Variants in DLGAP1 observed in about 807,000 individuals in gnomAD.
DLGAP1 encodes disks large-associated protein 1.
In DLGAP1, 11 loss-of-function variants were observed where a neutral mutation model predicts 90.8. That is an observed-to-expected ratio of 0.12 (90% CI 0.08 to 0.20). The LOEUF (loss-of-function observed/expected upper bound fraction) is 0.20. DLGAP1 is among the 10% of genes least tolerant of loss of function. DLGAP1 has a pLI of 1.00. For missense variants in DLGAP1, 1,050 were observed against 1,333.8 expected (o/e 0.79, Z 3.31); for synonymous variants, 558 against 540.7 (o/e 1.03, Z -0.44).
chr18:3,769,503 C>T (rs951269372), intron 5 of DLGAP1, among the ~76,000 whole-genome samples: 1 of 152,142 alleles, frequency 6.6e-6, no homozygotes, highest in African/African-American at 2.4e-5. Context: ...CCAGGATATC[C>T]TTCAAGGAAT....
At chr18:3,529,759 T>C (rs1014101785) in intron 10 of DLGAP1, among the ~76,000 whole-genome samples, 1 of 152,212 alleles carries the variant, frequency 6.6e-6, no homozygotes, top group Non-Finnish European at 1.5e-5. Flanking sequence ...CAGTTCAGCT[T>C]GAACAACAAA....
intron 7 of DLGAP1, chr18:3,607,658 T>A (rs554750236): frequency 6.6e-6 from 1 of 152,344 alleles, no homozygotes; most frequent in South Asian, 2.1e-4. Flanking sequence ...CAATTTCTTA[T>A]CTGGCTGCTT....
At chr18:4,222,634 A>G (rs1328790462) in intron 1 of DLGAP1, among the ~76,000 whole-genome samples, 2 of 152,172 alleles carry the variant, frequency 1.3e-5, no homozygotes, top group Non-Finnish European at 2.9e-5. Context: ...ATCTTCCAAG[A>G]ACAAGGCAGA....
chr18:3,856,572 G>T (rs1016394039), intron 4 of DLGAP1, among the ~76,000 whole-genome samples: 3 of 152,030 alleles, frequency 2.0e-5, no homozygotes, highest in Admixed American at 2.0e-4. Context: ...ATAATATAAA[G>T]AAATACAGGC....
chr18:4,141,083 T>A (rs2076487518), intron 2 of DLGAP1, among the ~76,000 whole-genome samples: 1 of 152,044 alleles, frequency 6.6e-6, no homozygotes. Flanking sequence ...TTTCTCTATG[T>A]TTGGGAAGTT....
chr18:4,219,493 T>C (rs2078032347), intron 1 of DLGAP1, among the ~76,000 whole-genome samples: 1 of 152,158 alleles, frequency 6.6e-6, no homozygotes, highest in Non-Finnish European at 1.5e-5. Context: ...TAATCCTATT[T>C]GTTTATTTTT....
intron 1 of DLGAP1, among the ~76,000 whole-genome samples, chr18:4,162,312 G>A (rs1238214464): frequency 6.6e-6 from 1 of 152,122 alleles, no homozygotes; most frequent in African/African-American, 2.4e-5. Context: ...AAATAGGAAT[G>A]GTGTGGGTTA....
chr18:4,122,051 G>A (rs1478236890), intron 2 of DLGAP1, among the ~76,000 whole-genome samples: 2 of 152,166 alleles, frequency 1.3e-5, no homozygotes, highest in African/African-American at 4.8e-5. Flanking sequence ...CTATGCTTTA[G>A]TATTAGAGGG....
chr18:3,528,458 G>A (rs551326931), intron 10 of DLGAP1, among the ~76,000 whole-genome samples: 18 of 152,320 alleles, frequency 1.2e-4, no homozygotes, highest in African/African-American at 4.3e-4. Flanking sequence ...GGACAGATCT[G>A]CATGGCGGGC....
intron 1 of DLGAP1, among the ~76,000 whole-genome samples, chr18:4,441,941 T>C (rs1030861035): frequency 6.6e-6 from 1 of 152,198 alleles, no homozygotes; most frequent in African/African-American, 2.4e-5. Flanking sequence ...GCTCCACCCA[T>C]GGTAGGTCTG....
At chr18:3,628,003 C>A (rs538865393) in intron 7 of DLGAP1, among the ~76,000 whole-genome samples, 1 of 151,056 alleles carries the variant, frequency 6.6e-6, no homozygotes, top group Non-Finnish European at 1.5e-5. Context: ...CACAGCCTCC[C>A]GAGTAGCTGG....
chr18:3,699,823 G>C (rs2061220125), intron 7 of DLGAP1, among the ~76,000 whole-genome samples: 1 of 152,204 alleles, frequency 6.6e-6, no homozygotes, highest in Non-Finnish European at 1.5e-5. Flanking sequence ...GTTTCTTTCA[G>C]AGATGCCCTG....
At chr18:3,505,803 C>T (rs1335751585) in intron 11 of DLGAP1, among the ~76,000 whole-genome samples, 1 of 152,098 alleles carries the variant, frequency 6.6e-6, no homozygotes. Flanking sequence ...CTGTCTTCCC[C>T]CATTGTGCCT....
chr18:4,428,179 G>A (rs1393689647), intron 1 of DLGAP1, among the ~76,000 whole-genome samples: 1 of 152,162 alleles, frequency 6.6e-6, no homozygotes, highest in Admixed American at 6.5e-5. Context: ...GGTGGGGCCT[G>A]GTGGGAGGTG....
rs1454881883 is a variant in DLGAP1, at chr18:4,454,163, C to T, written c.-267+843G>A. Reference sequence around the variant, plus strand: ...AGCGCAGCAGCCGAAGTCCTGAAAGCAGGGTCTTCATCGCCGCGGGCCCTC... The same window carrying T: ...AGCGCAGCAGCCGAAGTCCTGAAAGTAGGGTCTTCATCGCCGCGGGCCCTC... On this transcript the variant is annotated intron_variant, in intron 1 of 12. Transcript: ENST00000315677. This position sits in a 1 kb window ranked among gnomAD's most constrained non-coding sequence, Gnocchi z 4.7. Among the ~76,000 whole-genome samples the T allele has an allele frequency of 1.3e-5, 2 of 152,240 alleles. No homozygotes were observed. The highest frequency in any genetic ancestry group is 2.9e-5 in the Non-Finnish European group (2 of 68,046).
chr18:3,913,087 T>C (rs1438396226), intron 3 of DLGAP1, among the ~76,000 whole-genome samples: 1 of 152,078 alleles, frequency 6.6e-6, no homozygotes, highest in Non-Finnish European at 1.5e-5. Flanking sequence ...TAGGATTCCT[T>C]AGTGGGAAGA....
At chr18:3,641,576 C>CATAT (rs796432634) in intron 7 of DLGAP1, among the ~76,000 whole-genome samples, 12 of 130,322 alleles carry the variant, frequency 9.2e-5, no homozygotes, top group African/African-American at 3.2e-4. Flanking sequence ...ACAATGTACA[C>CATAT]ATATATATAT....
intron 1 of DLGAP1, among the ~76,000 whole-genome samples, chr18:4,341,074 G>T (rs2081179064): frequency 6.6e-6 from 1 of 151,968 alleles, no homozygotes; most frequent in Non-Finnish European, 1.5e-5. Context: ...TCTCACAAAT[G>T]TAATCTACTT....
intron 7 of DLGAP1, among the ~76,000 whole-genome samples, chr18:3,677,349 A>AGCTCTCT (rs1253730534): frequency 6.6e-6 from 1 of 152,222 alleles, no homozygotes; most frequent in Non-Finnish European, 1.5e-5. Flanking sequence ...CCAGTGAATC[A>AGCTCTCT]GCTCTCTACT....
Sources: gnomAD v4.1 joint callset for allele counts (sites outside exome capture counted in the v4.1 genomes callset) on GRCh38, gnomAD v4.1.1 for gene constraint, Gnocchi (gnomAD v3.1) non-coding constraint, MANE v1.5 for transcripts, NCBI Gene and HGNC (gene_info 2026-07-23, HGNC 2026-07-21) for gene names.